The following GANC variants were observed in gnomAD, a reference collection of about 807,000 sequenced individuals.
The protein encoded by GANC is neutral alpha-glucosidase C.
Under a neutral mutation model 124.2 loss-of-function variants are expected in GANC, and 117 were observed. The observed-to-expected ratio is 0.94, with a 90% CI of 0.81 to 1.10. GANC has a LOEUF of 1.10. Ranked by LOEUF, GANC falls within the 50% of genes least tolerant of loss-of-function variation. The probability of loss-of-function intolerance (pLI) is 0.00; values close to 1 mark genes in which losing one functional copy is unlikely to be tolerated. For synonymous variants in GANC, 377 were observed against 376.8 expected (o/e 1.00, Z -0.01); for missense variants, 1,140 against 1,095.0 (o/e 1.04, Z -0.58).
In GANC at chr15:42,327,418, T is replaced by TG; in HGVS notation, c.1476_1477insG (p.Leu493AlafsTer19). 6.8e-6 allele frequency: 11 copies of TG among 1,613,602 alleles called. No individual in the cohort carries two copies. Among genetic ancestry groups the TG allele is most frequent in the Non-Finnish European group, 9.3e-6 (11 of 1,179,662 alleles). On this transcript the variant is annotated frameshift_variant, in exon 13 of 24. Coordinates refer to ENST00000318010, the MANE Select transcript of GANC (RefSeq NM_198141.3). LOFTEE classifies it high-confidence loss of function. ...CCAAGGTCAGAGAGTGGTATTCAAG[T>TG]CTTTTTGCTTTCCCTGTTTATCAGG...
intron 15 of GANC, among the ~76,000 whole-genome samples, chr15:42,337,271 T>C (rs1177527148): frequency 6.6e-6 from 1 of 152,236 alleles, no homozygotes; most frequent in African/African-American, 2.4e-5. Flanking sequence ...AAAGAAAATG[T>C]GGTACGTATA....
chr15:42,305,464 A>G (rs1174946084), intron 6 of GANC, among the ~76,000 whole-genome samples: 1 of 152,238 alleles, frequency 6.6e-6, no homozygotes, highest in African/African-American at 2.4e-5. Context: ...GCTGGAGAGG[A>G]TGTGGAGAAA....
At chr15:42,298,893 T>A (rs1297257457) in intron 6 of GANC, among the ~76,000 whole-genome samples, 1 of 152,232 alleles carries the variant, frequency 6.6e-6, no homozygotes, top group Admixed American at 6.5e-5. Context: ...ATGCTTGTGA[T>A]TTTTGCACAT....
rs982269931 is a variant in GANC, at chr15:42,326,710, G to A, written c.1420+286G>A. 1.9e-4 allele frequency among the ~76,000 whole-genome samples: 29 copies of A among 152,068 alleles called. 1 individual carries two copies. Among genetic ancestry groups the A allele is most frequent in the African/African-American group, 5.8e-4 (24 of 41,396 alleles). On this transcript the variant is annotated intron_variant, in intron 12 of 23. Transcript: ENST00000318010. ...CCAAGCAAACAGAGATAAAAAGTCG[G>A]GGAATAAGAAAAGCAGAGGAGGAGA...
At chr15:42,282,596 T>A (rs1450656146) in intron 3 of GANC, among the ~76,000 whole-genome samples, 1 of 152,192 alleles carries the variant, frequency 6.6e-6, no homozygotes, top group Non-Finnish European at 1.5e-5. Flanking sequence ...TCTTGGTGCC[T>A]GCCTGCCCCT....
chr15:42,298,926 G>A (rs1566952486), intron 6 of GANC, among the ~76,000 whole-genome samples: 2 of 152,214 alleles, frequency 1.3e-5, no homozygotes. Flanking sequence ...CTCAGACTTT[G>A]CTGAAGTTGC....
intron 10 of GANC, among the ~76,000 whole-genome samples, chr15:42,313,247 A>G (rs1260515895): frequency 9.6e-5 from 2 of 20,742 alleles, no homozygotes; most frequent in Admixed American, 2.6e-3. Context: ...ATACAAAAAA[A>G]TAAAATGGTT....
At chr15:42,297,756 G>A in intron 6 of GANC, 100 bp downstream of exon 6, 1 of 775,676 alleles carries the variant, frequency 1.3e-6, no homozygotes, top group Non-Finnish European at 2.0e-6. Context: ...AAGGGTGCTT[G>A]TTAAATGATC....
intron 2 of GANC, among the ~76,000 whole-genome samples, chr15:42,276,928 G>A (rs956057013): frequency 2.6e-5 from 4 of 151,890 alleles, no homozygotes; most frequent in Non-Finnish European, 1.5e-5. Flanking sequence ...ATTCATATGA[G>A]TGCATGGAGA....
intron 5 of GANC, among the ~76,000 whole-genome samples, chr15:42,295,639 GACAC>G (rs60220273): frequency 0.08 from 10,981 of 137,512 alleles, 495 homozygotes; most frequent in Non-Finnish European, 0.089. Context: ...CTTTATTATA[GACAC>G]ACACACACAC....
intron 14 of GANC, among the ~76,000 whole-genome samples, 177 bp from the exon 15 acceptor site, chr15:42,330,399 A>C (rs2052233027): frequency 6.6e-6 from 1 of 152,190 alleles, no homozygotes; most frequent in South Asian, 2.1e-4. Flanking sequence ...CCATTCTTTT[A>C]ATAGGGGAAT....
chr15:42,281,212 A>G lies in GANC; in HGVS notation c.201+2622A>G, dbSNP rs2051730376. The G allele has an allele frequency of 4.6e-6, 3 of 658,088 alleles. No individual in the cohort carries two copies. In the South Asian group the frequency reaches 5.0e-5, roughly 11 times the overall value. 40.8% of individuals were successfully genotyped at this position (658,088 alleles called of 1,614,324 possible). ...AATGTATGCAAATACATATTTCGGG[A>G]GATCACCCTGAAATTCTGCACTGAA... On this transcript the variant is annotated intron_variant, in intron 3 of 23. Transcript: ENST00000318010.
intron 14 of GANC, 108 bp downstream of exon 14, chr15:42,329,557 T>C (rs2052225404): frequency 8.2e-7 from 1 of 1,223,482 alleles, no homozygotes; most frequent in East Asian, 2.4e-5. Flanking sequence ...TTTCTCTTTG[T>C]GTGTCTTTTC....
rs1285426112 is a variant in GANC at position 42,306,543 on chromosome 15, C to T, written c.559-3C>T. The T allele has an allele frequency of 6.2e-7, 1 of 1,608,358 alleles. No homozygotes were observed. The highest frequency in any genetic ancestry group is 1.1e-5 in the South Asian group (1 of 90,238). On this transcript the variant is annotated splice_polypyrimidine_tract_variant and splice_region_variant and intron_variant, in intron 6 of 23. Coordinates refer to ENST00000318010, the MANE Select transcript of GANC (RefSeq NM_198141.3). Reference sequence around the variant, plus strand: ...CAGTTTGCTCCCTTTTTTGTACCAACAGGAAAATCAAGAAGATCTGGGCCT... The same window carrying T: ...CAGTTTGCTCCCTTTTTTGTACCAATAGGAAAATCAAGAAGATCTGGGCCT...
At chr15:42,326,784 C>A (rs2052201857) in intron 12 of GANC, among the ~76,000 whole-genome samples, 1 of 152,192 alleles carries the variant, frequency 6.6e-6, no homozygotes, top group African/African-American at 2.4e-5. Context: ...TTGCTCTTCA[C>A]CCTTTTAGCC....
chr15:42,276,285 G>T, intron 1 of GANC, 63 bp from the exon 2 acceptor site: 1 of 782,994 alleles, frequency 1.3e-6, no homozygotes, highest in South Asian at 1.4e-5. Flanking sequence ...GTTAGAGAAG[G>T]TACAAAAGTT....
chr15:42,353,065 A>G lies in GANC; in HGVS notation c.*926A>G. The G allele has an allele frequency of 1.1e-6, 1 of 930,110 alleles. No homozygotes were observed. Among genetic ancestry groups the G allele is most frequent in the Non-Finnish European group, 1.3e-6 (1 of 779,152 alleles). The allele number at this position is 930,110 out of a possible 1,614,324, so 57.6% of individuals were successfully genotyped here. A position where few individuals can be genotyped will look rare whatever the true frequency, so the allele number is the denominator to read the frequency against. On this transcript the variant is annotated 3_prime_UTR_variant, in exon 24 of 24. Coordinates refer to ENST00000318010, the MANE Select transcript of GANC (RefSeq NM_198141.3). ...CAAAATATTAAAATTTAAAATAAAG[A>G]CAGGATTAGTATTACTGAGTTTTCC...
At chr15:42,326,848 A>G (rs1368232095) in intron 12 of GANC, among the ~76,000 whole-genome samples, 1 of 152,180 alleles carries the variant, frequency 6.6e-6, no homozygotes, top group East Asian at 1.9e-4. Context: ...CCTGATGACT[A>G]TGGATTCTTC....
At chr15:42,316,654 G>T (rs11631922) in intron 10 of GANC, among the ~76,000 whole-genome samples, 4 of 152,100 alleles carry the variant, frequency 2.6e-5, no homozygotes, top group East Asian at 1.9e-4. Flanking sequence ...ACTACAGGGA[G>T]GGGTTTAAGC....
Sources: allele counts gnomAD v4.1 joint callset (sites outside exome capture counted in the v4.1 genomes callset), GRCh38; gene constraint gnomAD v4.1.1; transcripts MANE v1.5; gene names NCBI Gene and HGNC (gene_info 2026-07-23, HGNC 2026-07-21).